NRXN3: variants seen among roughly 807,000 people sequenced by gnomAD.
The protein encoded by NRXN3 is neurexin 3, also known as neurexin III.
Under a neutral mutation model 137.6 loss-of-function variants are expected in NRXN3, and 32 were observed. The ratio of observed to expected loss-of-function variants is 0.23; its 90% CI spans 0.18 to 0.31. The LOEUF (loss-of-function observed/expected upper bound fraction) is 0.31, where lower values mean the gene tolerates loss of function less well. Ranked by LOEUF, NRXN3 falls within the 10% of genes least tolerant of loss-of-function variation. The pLI is 1.00. For missense variants in NRXN3, 1,574 were observed against 2,062.5 expected, an observed-to-expected ratio of 0.76 and a Z score of 4.59; for synonymous variants, 798 against 784.5, an observed-to-expected ratio of 1.02 and a Z score of -0.29.
intron 4 of NRXN3, among the ~76,000 whole-genome samples, chr14:78,608,287 A>G (rs1168940679): frequency 1.3e-5 from 2 of 152,146 alleles, no homozygotes; most frequent in Non-Finnish European, 2.9e-5. Flanking sequence ...TGGATGGAGA[A>G]TAAGAGATGT....
At chr14:78,945,571 C>T (rs2099363519) in intron 10 of NRXN3, among the ~76,000 whole-genome samples, 1 of 152,066 alleles carries the variant, frequency 6.6e-6, no homozygotes, top group Admixed American at 6.6e-5. Flanking sequence ...ACGAGGCTAC[C>T]CAGGTTTAGT....
chr14:79,216,689 C>G (rs540610700), intron 15 of NRXN3, among the ~76,000 whole-genome samples: 1 of 152,100 alleles, frequency 6.6e-6, no homozygotes, highest in East Asian at 1.9e-4. Context: ...TTCTAAAGAA[C>G]GCTCTAAGAT....
intron 5 of NRXN3, among the ~76,000 whole-genome samples, chr14:78,650,069 GT>G: frequency 6.6e-6 from 1 of 152,012 alleles, no homozygotes; most frequent in Admixed American, 6.5e-5. Context: ...ATATTTGGGG[GT>G]TGGGTTTGGA....
At position 79,488,679 on chromosome 14, in the gene NRXN3, T is replaced by C. The variant is rs917188781; in HGVS notation, c.3444+21277T>C. 2.6e-4 allele frequency among the ~76,000 whole-genome samples: 40 copies of C among 152,264 alleles called. 1 individual carries two copies. The highest frequency in any genetic ancestry group is 2.3e-3 in the Admixed American group (35 of 15,290). ...TATGGAGTAAGAAAGAATGCAAGAA[T>C]TGGGTCATTGACCAGAAACTCTGAG... is the stretch of plus-strand genomic sequence containing the variant. On this transcript the variant is annotated intron_variant, in intron 16 of 20. Coordinates refer to ENST00000335750, the MANE Select transcript of NRXN3 (RefSeq NM_001330195.2).
chr14:78,291,992 A>T (rs1260559918), intron 3 of NRXN3, among the ~76,000 whole-genome samples: 1 of 152,192 alleles, frequency 6.6e-6, no homozygotes, highest in Non-Finnish European at 1.5e-5. Flanking sequence ...GGGTGAAGGA[A>T]AGAAGAATGG....
At chr14:79,708,988 A>T (rs939828768) in intron 19 of NRXN3, among the ~76,000 whole-genome samples, 9 of 151,906 alleles carry the variant, frequency 5.9e-5, no homozygotes, top group African/African-American at 2.2e-4. Flanking sequence ...TGTGTGAGAG[A>T]GAGAGAGAGA....
chr14:79,701,866 G>C (rs73329975), intron 19 of NRXN3, among the ~76,000 whole-genome samples: 3,700 of 152,076 alleles, frequency 0.024, 163 homozygotes, highest in African/African-American at 0.084. Context: ...ATTGTCATAA[G>C]GATAACTGAG....
intron 15 of NRXN3, among the ~76,000 whole-genome samples, chr14:79,316,587 T>C (rs1330336734): frequency 6.6e-6 from 1 of 152,220 alleles, no homozygotes; most frequent in Non-Finnish European, 1.5e-5. Flanking sequence ...ATTTTAACAT[T>C]TTAATAATTG....
intron 4 of NRXN3, among the ~76,000 whole-genome samples, chr14:78,389,448 G>A (rs1414048874): frequency 6.6e-6 from 1 of 152,122 alleles, no homozygotes; most frequent in African/African-American, 2.4e-5. Flanking sequence ...GCCAATGCCT[G>A]TCTCAATAAG....
chr14:79,307,201 G>T (rs2086240359), intron 15 of NRXN3, among the ~76,000 whole-genome samples: 1 of 151,878 alleles, frequency 6.6e-6, no homozygotes, highest in Non-Finnish European at 1.5e-5. Flanking sequence ...TCCTCATATG[G>T]AAATGAGCCT....
At chr14:79,730,688 C>A (rs1181986033) in intron 19 of NRXN3, among the ~76,000 whole-genome samples, 1 of 152,066 alleles carries the variant, frequency 6.6e-6, no homozygotes, top group Admixed American at 6.6e-5. Flanking sequence ...CTATGTAATT[C>A]CACAAACTGT....
rs116037332 is a variant in NRXN3, at chr14:78,290,493, A to G, written c.728-7338A>G. ...CAGGGAAGGGCTGGTCTGAGACAAAATTATGGATTTCACCTGTAATCGCAA... is the reference window on the plus strand; with the variant it reads ...CAGGGAAGGGCTGGTCTGAGACAAAGTTATGGATTTCACCTGTAATCGCAA... On this transcript the variant is annotated intron_variant, in intron 3 of 20. Transcript: ENST00000335750. Among the ~76,000 whole-genome samples the G allele has an allele frequency of 4.1e-3, 625 of 152,224 alleles. 7 individuals are homozygous for G. The highest frequency in any genetic ancestry group is 0.014 in the African/African-American group (571 of 41,530).
At chr14:79,278,267 G>C (rs372036579) in intron 15 of NRXN3, among the ~76,000 whole-genome samples, 2 of 152,282 alleles carry the variant, frequency 1.3e-5, no homozygotes, top group Admixed American at 1.3e-4. Context: ...GTCAAAGCTA[G>C]CAAGACCTGT....
chr14:79,826,286 C>T (rs1455041288), intron 20 of NRXN3, among the ~76,000 whole-genome samples: 3 of 152,250 alleles, frequency 2.0e-5, no homozygotes, highest in Non-Finnish European at 2.9e-5. Flanking sequence ...AGCCGCTGTG[C>T]CCAACCTGAG....
intron 4 of NRXN3, among the ~76,000 whole-genome samples, chr14:78,529,785 T>A (rs2096433970): frequency 6.6e-6 from 1 of 152,198 alleles, no homozygotes; most frequent in African/African-American, 2.4e-5. Context: ...CTGACTCCCA[T>A]GCTGGGCCAT....
At chr14:79,780,524 G>A (rs769335405) in intron 19 of NRXN3, among the ~76,000 whole-genome samples, 7 of 152,024 alleles carry the variant, frequency 4.6e-5, no homozygotes, top group Non-Finnish European at 7.4e-5. Context: ...CAGGAGAATG[G>A]TGTGAACCCG....
intron 20 of NRXN3, among the ~76,000 whole-genome samples, chr14:79,848,328 C>T (rs910762640): frequency 2.6e-5 from 4 of 152,186 alleles, no homozygotes; most frequent in Non-Finnish European, 5.9e-5. Flanking sequence ...TAGTTTGTTA[C>T]TTGCAAACCA....
intron 4 of NRXN3, among the ~76,000 whole-genome samples, chr14:78,400,465 T>G (rs2091948074): frequency 6.6e-6 from 1 of 152,236 alleles, no homozygotes. Flanking sequence ...GCTGTCAGTC[T>G]ATTAACTCCC....
intron 19 of NRXN3, among the ~76,000 whole-genome samples, chr14:79,765,339 C>T (rs184506815): frequency 1.3e-5 from 2 of 152,304 alleles, no homozygotes; most frequent in African/African-American, 4.8e-5. Context: ...CCAAATCTTG[C>T]AAACTCTGCA....
Sources: gnomAD v4.1 joint callset for allele counts (sites outside exome capture counted in the v4.1 genomes callset) on GRCh38, gnomAD v4.1.1 for gene constraint, MANE v1.5 for transcripts, NCBI Gene and HGNC (gene_info 2026-07-23, HGNC 2026-07-21) for gene names.